The following TAF7 variants were observed in gnomAD, a reference collection of about 807,000 sequenced individuals.
The protein encoded by TAF7 is TATA-box binding protein associated factor 7.
A neutral mutation model predicts 25.3 loss-of-function variants in TAF7; 9 were observed. That is an observed-to-expected ratio of 0.36 (90% CI 0.21 to 0.62). TAF7 has a LOEUF of 0.62. Ranked by LOEUF, TAF7 falls within the 20% of genes least tolerant of loss-of-function variation. TAF7 has a pLI of 0.72. For missense variants in TAF7, 311 were observed against 410.6 expected, an observed-to-expected ratio of 0.76 and a Z score of 2.10; for synonymous variants, 127 against 146.7, an observed-to-expected ratio of 0.87 and a Z score of 0.97.
In TAF7 at chr5:141,319,333, G is replaced by A. The variant is rs1314158067; in HGVS notation, c.712C>T (p.His238Tyr). The A allele has an allele frequency of 1.2e-6, 2 of 1,613,796 alleles. No individual in the cohort carries two copies. Among genetic ancestry groups the A allele is most frequent in the Non-Finnish European group, 1.7e-6 (2 of 1,180,024 alleles). The change falls in exon 1 of 1, where the codon CAT (histidine) becomes TAT (tyrosine). Residue 238 changes from histidine (H) to tyrosine (Y), a missense_variant. This residue lies in a region of TAF7 where 179 missense variants were observed against 206.7 expected (regional missense o/e 0.87). Coordinates refer to ENST00000313368, the MANE Select transcript of TAF7 (RefSeq NM_005642.3). The surrounding 1 kb of genome is among the most constrained non-coding windows in gnomAD (Gnocchi z 5.3). ...ATGTTTATATCTTCTTCATCTTGAT[G>A]CTGGGTCTCATCTTCATCCTCACTG... ...SSSEDEDETQ[H>Y]QDEEDINIID...
In TAF7 at chr5:141,319,216, G is replaced by GCTT; in HGVS notation, c.828_829insAAG (p.Gln276_Leu277insLys). On this transcript the variant is annotated inframe_insertion, in exon 1 of 1. Transcript: ENST00000313368. The surrounding 1 kb of genome is among the most constrained non-coding windows in gnomAD (Gnocchi z 5.3). ...ATCTGCTTCTGAATTCCCATAACCA[G>GCTT]CTGATTGGTTCCTTCATTTTCCTGG... 1 of 1,614,030 alleles carries GCTT rather than the reference G, an allele frequency of 6.2e-7. No homozygotes were observed. Among genetic ancestry groups the GCTT allele is most frequent in the Non-Finnish European group, 8.5e-7 (1 of 1,180,008 alleles).
rs746031575 is a variant in TAF7, at chr5:141,318,858, A to C, written c.*137T>G. On this transcript the variant is annotated 3_prime_UTR_variant, in exon 1 of 1. Coordinates refer to ENST00000313368, the MANE Select transcript of TAF7 (RefSeq NM_005642.3). ...TAAATTTGCTGAAAAACAAAATTAC[A>C]AACAAATGAAAGAACTTAACAGAAC... 137 of 790,982 alleles carry C rather than the reference A, an allele frequency of 1.7e-4. 1 individual carries two copies. Among genetic ancestry groups the C allele is most frequent in the Admixed American group, 2.8e-4 (8 of 28,438 alleles). The allele number at this position is 790,982 out of a possible 1,614,324, so 49.0% of individuals were successfully genotyped here.
In TAF7 at chr5:141,319,315, T is replaced by C. The variant is rs1389460953; in HGVS notation, c.730A>G (p.Ile244Val). The change falls in exon 1 of 1, where the codon ATA (isoleucine) becomes GTA (valine). Residue 244 changes from isoleucine (I) to valine (V), a missense_variant. Ile to Val is a conservative substitution (Grantham distance 29). This residue lies in a region of TAF7 where 179 missense variants were observed against 206.7 expected (regional missense o/e 0.87). Coordinates refer to ENST00000313368, the MANE Select transcript of TAF7 (RefSeq NM_005642.3). The surrounding 1 kb of genome is among the most constrained non-coding windows in gnomAD (Gnocchi z 5.3). ...DETQHQDEED[I>V]NIIDTEEDLE... ...TCTTCCTCCGTGTCAATGATGTTTATATCTTCTTCATCTTGATGCTGGGTC... is the reference window on the plus strand; with the variant it reads ...TCTTCCTCCGTGTCAATGATGTTTACATCTTCTTCATCTTGATGCTGGGTC... 2.5e-6 allele frequency: 4 copies of C among 1,614,006 alleles called. No homozygotes were observed. Among genetic ancestry groups the C allele is most frequent in the African/African-American group, 2.7e-5 (2 of 74,932 alleles).
Position 141,319,087 on chromosome 5 carries a change from C to T in TAF7, c.958G>A (p.Ala320Thr), listed in dbSNP as rs770154108. Residue 320 changes from alanine to threonine, a missense_variant, in exon 1 of 1, where the codon GCT becomes ACT. This residue lies in a region of TAF7 where 179 missense variants were observed against 206.7 expected (regional missense o/e 0.87). Coordinates refer to ENST00000313368, the MANE Select transcript of TAF7 (RefSeq NM_005642.3). The surrounding 1 kb of genome is among the most constrained non-coding windows in gnomAD (Gnocchi z 5.3). ...ENLALKNRFQ[A>T]VLDELKQKED... ...TTTTGTTTGAGCTCATCCAGTACAG[C>T]CTGAAATCTGTTCTTGAGAGCCAGA... The T allele has an allele frequency of 6.2e-7, 1 of 1,614,034 alleles. No homozygotes were observed. The highest frequency in any genetic ancestry group is 1.3e-5 in the African/African-American group (1 of 74,914).
rs749468195 is a variant in TAF7, at chr5:141,319,227, CCTT to C, written c.815_817del (p.Glu272del). On this transcript the variant is annotated inframe_deletion, in exon 1 of 1. Coordinates refer to ENST00000313368, the MANE Select transcript of TAF7 (RefSeq NM_005642.3). This position sits in a 1 kb window ranked among gnomAD's most constrained non-coding sequence, Gnocchi z 5.3. ...AATTCCCATAACCAGCTGATTGGTTCCTTCATTTTCCTGGTGCTGTTCATCTGA... is the reference window on the plus strand; with the variant it reads ...AATTCCCATAACCAGCTGATTGGTTCCATTTTCCTGGTGCTGTTCATCTGA... The C allele has an allele frequency of 8.7e-6, 14 of 1,613,910 alleles. No homozygotes were observed. The highest frequency in any genetic ancestry group is 1.2e-5 in the Non-Finnish European group (14 of 1,180,042).
At position 141,319,932 on chromosome 5, in the gene TAF7, T is replaced by C. The variant is rs149401598; in HGVS notation, c.113A>G (p.Asn38Ser). 79 of 1,613,860 alleles carry C rather than the reference T, an allele frequency of 4.9e-5. No homozygotes were observed. The highest frequency in any genetic ancestry group is 1.3e-4 in the Admixed American group (8 of 59,940). ...CTCAATTGTCAGTCTGTCCTTGAGGTTGACATGACCAGACTGTACTGCCCT... is the reference window on the plus strand; with the variant it reads ...CTCAATTGTCAGTCTGTCCTTGAGGCTGACATGACCAGACTGTACTGCCCT... ...VRRAVQSGHVNLKDRLTIELH... is the reference protein window; with the variant it reads ...VRRAVQSGHVSLKDRLTIELH... The change falls in exon 1 of 1, where the codon AAC becomes AGC. Residue 38 changes from asparagine (N) to serine (S), a missense_variant. Around this residue, in one of 3 missense-constraint regions of TAF7, gnomAD observed 119 missense variants for 159.3 expected, o/e 0.75. Transcript: ENST00000313368. This position sits in a 1 kb window ranked among gnomAD's most constrained non-coding sequence, Gnocchi z 5.3.
In TAF7 at chr5:141,319,006, G is replaced by A. The variant is rs1167015987; in HGVS notation, c.1039C>T (p.Leu347=). The change falls in exon 1 of 1, where the codon CTA becomes TTA. Residue 347 remains leucine, a synonymous_variant. Coordinates refer to ENST00000313368, the MANE Select transcript of TAF7 (RefSeq NM_005642.3). The surrounding 1 kb of genome is among the most constrained non-coding windows in gnomAD (Gnocchi z 5.3). ...SSLQEELESL[L]EK ...AATATCAGTTCTTTTTACTTCTCTA[G>A]GAGTGATTCTAGCTCCTCTTGCAAA... The A allele has an allele frequency of 1.9e-6, 3 of 1,601,730 alleles. No individual in the cohort carries two copies. The highest frequency in any genetic ancestry group is 2.2e-5 in the East Asian group (1 of 44,800).
In TAF7 at chr5:141,318,979, T is replaced by A; in HGVS notation, c.*16A>T. The A allele has an allele frequency of 6.4e-7, 1 of 1,561,296 alleles. No homozygotes were observed. Among genetic ancestry groups the A allele is most frequent in the South Asian group, 1.2e-5 (1 of 82,282 alleles). ...TGCTGACCAGTCTGAAGACTGAAAT[T>A]AAATATCAGTTCTTTTTACTTCTCT... On this transcript the variant is annotated 3_prime_UTR_variant, in exon 1 of 1. Transcript: ENST00000313368.
rs1194127892 is a variant in TAF7, at chr5:141,319,085, A to G, written c.960T>C (p.Ala320=). 1 of 1,614,046 alleles carries G rather than the reference A, an allele frequency of 6.2e-7. No individual in the cohort carries two copies. Among genetic ancestry groups the G allele is most frequent in the East Asian group, 2.2e-5 (1 of 44,894 alleles). The part of the protein sequence containing the change: ...ENLALKNRFQ[A]VLDELKQKED... ...CCTTTTGTTTGAGCTCATCCAGTAC[A>G]GCCTGAAATCTGTTCTTGAGAGCCA... Residue 320 remains alanine, a synonymous_variant, in exon 1 of 1, where the codon GCT becomes GCC. Coordinates refer to ENST00000313368, the MANE Select transcript of TAF7 (RefSeq NM_005642.3). The surrounding 1 kb of genome is among the most constrained non-coding windows in gnomAD (Gnocchi z 5.3).
In TAF7 at chr5:141,320,132, C is replaced by G; in HGVS notation, c.-88G>C. The stretch of plus-strand genomic sequence containing the variant: ...TGCAATAGTTTAAAACACCAGTTTG[C>G]TATGAATTGAAATCTTTTAATTACA... On this transcript the variant is annotated 5_prime_UTR_variant, in exon 1 of 1. Transcript: ENST00000313368. 1 of 1,149,170 alleles carries G rather than the reference C, an allele frequency of 8.7e-7. No individual in the cohort carries two copies. Among genetic ancestry groups the G allele is most frequent in the Admixed American group, 2.7e-5 (1 of 36,956 alleles). The allele number at this position is 1,149,170 out of a possible 1,614,324, so 71.2% of individuals were successfully genotyped here. A position where few individuals can be genotyped will look rare whatever the true frequency, so the allele number is the denominator to read the frequency against.
In TAF7 at chr5:141,319,343, A is replaced by G; in HGVS notation, c.702T>C (p.Asp234=). ...NDLSSSSEDE[D]ETQHQDEEDI... ...CTTCTTCATCTTGATGCTGGGTCTC[A>G]TCTTCATCCTCACTGCTGCTGCTGA... Residue 234 remains aspartate (D), a synonymous_variant, in exon 1 of 1, where the codon GAT becomes GAC. Transcript: ENST00000313368. The surrounding 1 kb of genome is among the most constrained non-coding windows in gnomAD (Gnocchi z 5.3). The G allele has an allele frequency of 6.2e-7, 1 of 1,613,944 alleles. No homozygotes were observed. The highest frequency in any genetic ancestry group is 8.5e-7 in the Non-Finnish European group (1 of 1,179,998).
At position 141,319,099 on chromosome 5, in the gene TAF7, T is replaced by C; in HGVS notation, c.946A>G (p.Asn316Asp). The C allele has an allele frequency of 6.2e-7, 1 of 1,614,172 alleles. No individual in the cohort carries two copies. Among genetic ancestry groups the C allele is most frequent in the South Asian group, 1.1e-5 (1 of 91,068 alleles). Reference sequence around the variant, plus strand: ...TCATCCAGTACAGCCTGAAATCTGTTCTTGAGAGCCAGATTTTCCACTTTC... The same window carrying C: ...TCATCCAGTACAGCCTGAAATCTGTCCTTGAGAGCCAGATTTTCCACTTTC... ...IMKVENLALK[N>D]RFQAVLDELK... Residue 316 changes from asparagine (N) to aspartate (D), a missense_variant, in exon 1 of 1, where the codon AAC becomes GAC. Asn to Asp is a conservative substitution (Grantham distance 23). Around this residue, in one of 3 missense-constraint regions of TAF7, gnomAD observed 179 missense variants for 206.7 expected, o/e 0.87. Transcript: ENST00000313368. The surrounding 1 kb of genome is among the most constrained non-coding windows in gnomAD (Gnocchi z 5.3).
rs1485279720 is a variant in TAF7 at position 141,319,481 on chromosome 5, T to G, written c.564A>C (p.Glu188Asp). 1.2e-6 allele frequency: 2 copies of G among 1,614,166 alleles called. No individual in the cohort carries two copies. Among genetic ancestry groups the G allele is most frequent in the East Asian group, 4.5e-5 (2 of 44,878 alleles). ...GGCCTTGATTTTCTGCCTCCTTTGT[T>G]TCATCTTCGGCAATTATTTCCCACC... ...STRWEIIAED[E>D]TKEAENQGLD... Residue 188 changes from glutamate to aspartate, a missense_variant, in exon 1 of 1, where the codon GAA becomes GAC. This residue lies in a region of TAF7 where 179 missense variants were observed against 206.7 expected (regional missense o/e 0.87). Transcript: ENST00000313368. This position sits in a 1 kb window ranked among gnomAD's most constrained non-coding sequence, Gnocchi z 5.3.
chr5:141,318,771 ACAAT>A lies in TAF7; in HGVS notation c.*220_*223del, dbSNP rs1329884439. Reference sequence around the variant, plus strand: ...ATTCCGCTAATCCTGCAACTTTCCTACAATCATTTTTCTGCCTATACAATCCTGC... The same window carrying A: ...ATTCCGCTAATCCTGCAACTTTCCTACATTTTTCTGCCTATACAATCCTGC... On this transcript the variant is annotated 3_prime_UTR_variant, in exon 1 of 1. Transcript: ENST00000313368. 3 of 416,508 alleles carry A rather than the reference ACAAT, an allele frequency of 7.2e-6. No homozygotes were observed. The highest frequency in any genetic ancestry group is 1.3e-5 in the Non-Finnish European group (3 of 236,284). 25.8% of individuals were successfully genotyped at this position (416,508 alleles called of 1,614,324 possible).
In TAF7 at chr5:141,319,302, T is replaced by G. The variant is rs1158180872; in HGVS notation, c.743A>C (p.Asp248Ala). Residue 248 changes from aspartate to alanine, a missense_variant, in exon 1 of 1, where the codon GAC (aspartate) becomes GCC (alanine). Asp to Ala is a moderately radical substitution (Grantham distance 126, BLOSUM62 -2). Coordinates refer to ENST00000313368, the MANE Select transcript of TAF7 (RefSeq NM_005642.3). The surrounding 1 kb of genome is among the most constrained non-coding windows in gnomAD (Gnocchi z 5.3). Reference sequence around the variant, plus strand: ...CTGTCTCTCCAGATCTTCCTCCGTGTCAATGATGTTTATATCTTCTTCATC... The same window carrying G: ...CTGTCTCTCCAGATCTTCCTCCGTGGCAATGATGTTTATATCTTCTTCATC... ...HQDEEDINII[D>A]TEEDLERQLQ... is the part of the protein sequence containing the mutation. 6.2e-7 allele frequency: 1 copy of G among 1,613,980 alleles called. No homozygotes were observed. Among genetic ancestry groups the G allele is most frequent in the Non-Finnish European group, 8.5e-7 (1 of 1,180,050 alleles).
At position 141,319,524 on chromosome 5, in the gene TAF7, G is replaced by GCAT; in HGVS notation, c.518_520dup (p.Asp173dup). ...TTCCCACCGAGTACTAACAGCTTCA[G>GCAT]CATCTGTACTCAGCAATCGTTTCAC... On this transcript the variant is annotated inframe_insertion, in exon 1 of 1. Coordinates refer to ENST00000313368, the MANE Select transcript of TAF7 (RefSeq NM_005642.3). This position sits in a 1 kb window ranked among gnomAD's most constrained non-coding sequence, Gnocchi z 5.3. 1 of 1,614,060 alleles carries GCAT rather than the reference G, an allele frequency of 6.2e-7. No homozygotes were observed.
chr5:141,320,243 GACCGAAT>G lies in TAF7; in HGVS notation c.-206_-200del, dbSNP rs1756137848. The G allele has an allele frequency of 5.0e-6, 3 of 597,610 alleles. No homozygotes were observed. Among genetic ancestry groups the G allele is most frequent in the South Asian group, 2.2e-5 (1 of 46,310 alleles). The allele number at this position is 597,610 out of a possible 1,614,324, so 37.0% of individuals were successfully genotyped here. On this transcript the variant is annotated 5_prime_UTR_variant, in exon 1 of 1. Coordinates refer to ENST00000313368, the MANE Select transcript of TAF7 (RefSeq NM_005642.3). ...CAAGTCTTTTCTCTAAATATGCTGT[GACCGAAT>G]ACCAGTCGTTAACACAAAGGCTTAT...
At position 141,319,893 on chromosome 5, in the gene TAF7, C is replaced by G; in HGVS notation, c.152G>C (p.Gly51Ala). The G allele has an allele frequency of 6.2e-7, 1 of 1,614,138 alleles. No homozygotes were observed. The highest frequency in any genetic ancestry group is 1.3e-5 in the African/African-American group (1 of 75,034). Residue 51 changes from glycine to alanine, a missense_variant, in exon 1 of 1, where the codon GGG becomes GCG. By Grantham distance (60) the Gly-to-Ala change is moderately conservative. Coordinates refer to ENST00000313368, the MANE Select transcript of TAF7 (RefSeq NM_005642.3). This position sits in a 1 kb window ranked among gnomAD's most constrained non-coding sequence, Gnocchi z 5.3. The stretch of plus-strand genomic sequence containing the variant: ...GTCCACTCTGACGATTCCATGACGC[C>G]CATCAGGATGTAACTCAATTGTCAG... ...DRLTIELHPD[G>A]RHGIVRVDRV...
Position 141,319,243 on chromosome 5 carries a change from G to A in TAF7, c.802C>T (p.His268Tyr). Residue 268 changes from histidine (H) to tyrosine (Y), a missense_variant, in exon 1 of 1, where the codon CAC becomes TAC. Physicochemically the swap from His to Tyr is moderately conservative, Grantham distance 83. Transcript: ENST00000313368. The surrounding 1 kb of genome is among the most constrained non-coding windows in gnomAD (Gnocchi z 5.3). ...QDKLNESDEQ[H>Y]QENEGTNQLV... ...TGATTGGTTCCTTCATTTTCCTGGT[G>A]CTGTTCATCTGATTCATTTAGCTTG... is the stretch of plus-strand genomic sequence containing the variant. 1 of 1,613,948 alleles carries A rather than the reference G, an allele frequency of 6.2e-7. No homozygotes were observed. The highest frequency in any genetic ancestry group is 2.2e-5 in the East Asian group (1 of 44,876).
Sources: gnomAD v4.1 joint callset for allele counts on GRCh38, gnomAD v4.1.1 for gene constraint, gnomAD v4.1.1 regional missense constraint, Gnocchi (gnomAD v3.1) non-coding constraint, MANE v1.5 for transcripts, NCBI Gene and HGNC (gene_info 2026-07-23, HGNC 2026-07-21) for gene names.